TMPRSS9: variants seen among roughly 807,000 people sequenced by gnomAD.
The protein encoded by TMPRSS9 is transmembrane protease serine 9.
Under a neutral mutation model 111.4 loss-of-function variants are expected in TMPRSS9, and 113 were observed. The ratio of observed to expected loss-of-function variants is 1.01; its 90% CI spans 0.87 to 1.19. TMPRSS9 has a LOEUF of 1.19. Ranked by LOEUF, TMPRSS9 falls within the 50% of genes most tolerant of loss-of-function variation. TMPRSS9 has a pLI of 0.00. For missense variants in TMPRSS9, 1,803 were observed against 1,513.1 expected (o/e 1.19, Z -3.18); for synonymous variants, 805 against 659.1 (o/e 1.22, Z -3.39).
At chr19:2,421,923 T>C in exon 14 of TMPRSS9, 1 of 1,613,086 alleles carries the variant, frequency 6.2e-7, no homozygotes, top group Non-Finnish European at 8.5e-7. Flanking sequence ...GATCGTGAGC[T>C]GGGGTATTGG....
At chr19:2,380,955 A>G (rs550339007) in intron 1 of TMPRSS9, among the ~76,000 whole-genome samples, 130 of 152,198 alleles carry the variant, frequency 8.5e-4, no homozygotes, top group South Asian at 1.7e-3. Context: ...TGAATAACTC[A>G]TCACTCTCTC....
At chr19:2,416,757 T>C in exon 12 of TMPRSS9, 3 of 1,612,800 alleles carry the variant, frequency 1.9e-6, no homozygotes, top group African/African-American at 1.3e-5. Context: ...AGAAGTTCCC[T>C]GTGGGCCGGA....
chr19:2,413,421 G>A (rs1293866668), intron 9 of TMPRSS9, among the ~76,000 whole-genome samples: 4 of 152,096 alleles, frequency 2.6e-5, no homozygotes, highest in African/African-American at 4.8e-5. Context: ...AGAAGAGGAG[G>A]GGATGTTATT....
chr19:2,422,005 T>C, exon 14 of TMPRSS9: 4 of 1,613,028 alleles, frequency 2.5e-6, no homozygotes, highest in South Asian at 2.2e-5. Flanking sequence ...CTGGAGATCA[T>C]GTCCTCCCAG....
intron 1 of TMPRSS9, among the ~76,000 whole-genome samples, chr19:2,372,172 C>G (rs1970296391): frequency 6.6e-6 from 1 of 152,094 alleles, no homozygotes; most frequent in African/African-American, 2.4e-5. Context: ...TTTTTCTTCC[C>G]TGTATCTTGG....
At position 2,413,688 on chromosome 19, in the gene TMPRSS9, T is replaced by C. The variant is rs750440831; in HGVS notation, c.1255-12T>C. 5 of 1,592,850 alleles carry C rather than the reference T, an allele frequency of 3.1e-6. No homozygotes were observed. In the Admixed American group the frequency reaches 6.7e-5, roughly 21 times the overall value. On this transcript the variant is annotated splice_polypyrimidine_tract_variant and intron_variant, in intron 9 of 17. Transcript: ENST00000648592. ...TGCCGACCCATCCTGAGGGTGTGTG[T>C]TGGTTTCCTAGGGTGACTCAGGAGG...
At chr19:2,385,354 G>T (rs939225784), upstream of TMPRSS9, among the ~76,000 whole-genome samples, 14 of 152,136 alleles carry the variant, frequency 9.2e-5, no homozygotes, top group Non-Finnish European at 1.9e-4. Flanking sequence ...GGATCCATGC[G>T]ACACAGGCAG....
At chr19:2,424,898 A>T in intron 15 of TMPRSS9, 104 bp from the exon 17 acceptor site, 3 of 1,329,704 alleles carry the variant, frequency 2.3e-6, no homozygotes, top group Non-Finnish European at 2.9e-6. Context: ...CCAAGAGGCC[A>T]ATAACCCTGC....
exon 18 of TMPRSS9, chr19:2,425,998 G>T: frequency 6.2e-7 from 1 of 1,606,624 alleles, no homozygotes. Context: ...TCACTAGCTG[G>T]GGCTATGGCT....
At chr19:2,403,650 A>G (rs1970903759) in intron 6 of TMPRSS9, among the ~76,000 whole-genome samples, 1 of 151,028 alleles carries the variant, frequency 6.6e-6, no homozygotes, top group Admixed American at 6.7e-5. Context: ...TGAGGCCAGG[A>G]GTTTCAGACC....
intron 1 of TMPRSS9, among the ~76,000 whole-genome samples, chr19:2,384,566 A>T (rs1052296174): frequency 2.0e-5 from 3 of 152,136 alleles, no homozygotes; most frequent in African/African-American, 4.8e-5. Context: ...CTGTAATCCC[A>T]GCACTTTGGG....
intron 17 of TMPRSS9, 27 bp from the exon 19 acceptor site, chr19:2,425,900 G>T: frequency 6.4e-7 from 1 of 1,565,008 alleles, no homozygotes. Flanking sequence ...ACCGGCCTCT[G>T]AACCCCCTTT....
chr19:2,390,337 G>A (rs1478919752), intron 1 of TMPRSS9, among the ~76,000 whole-genome samples: 1 of 144,114 alleles, frequency 6.9e-6, no homozygotes, highest in Admixed American at 7.1e-5. Context: ...CCACCTCCCG[G>A]GTTCACACCG....
chr19:2,385,122 G>T (rs1043745694), upstream of TMPRSS9, among the ~76,000 whole-genome samples: 4 of 149,234 alleles, frequency 2.7e-5, no homozygotes, highest in Non-Finnish European at 5.9e-5. Flanking sequence ...GGTGAGAAGG[G>T]GTCACAGCCG....
At chr19:2,368,778 T>TTTTTTTTTTTTTTTTTTTA (rs1970266516) in intron 1 of TMPRSS9, among the ~76,000 whole-genome samples, 1 of 100,576 alleles carries the variant, frequency 9.9e-6, no homozygotes, top group Non-Finnish European at 1.8e-5. Flanking sequence ...AACCCAGTTT[T>TTTTTTTTTTTTTTTTTTTA]TTTTTTTTTT....
At chr19:2,394,494 T>G (rs1249602404) in intron 1 of TMPRSS9, among the ~76,000 whole-genome samples, 1 of 152,182 alleles carries the variant, frequency 6.6e-6, no homozygotes, top group Non-Finnish European at 1.5e-5. Context: ...CGTTCTGAAC[T>G]ATTTCTGCAA....
chr19:2,424,120 G>C (rs1971534961), exon 15 of TMPRSS9: 1 of 1,381,482 alleles, frequency 7.2e-7, no homozygotes, highest in Non-Finnish European at 9.4e-7. Context: ...CGCTCACCAG[G>C]ATTGTGGGCG....
At chr19:2,396,458 G>T in intron 1 of TMPRSS9, 81 bp from the exon 3 acceptor site, 1 of 1,476,140 alleles carries the variant, frequency 6.8e-7, no homozygotes, top group Non-Finnish European at 9.1e-7. Flanking sequence ...AGTGCAAACA[G>T]GGCGGGGCCT....
At chr19:2,385,154 C>CGCGGGGG (rs1568172900), upstream of TMPRSS9, among the ~76,000 whole-genome samples, 29 of 84,272 alleles carry the variant, frequency 3.4e-4, no homozygotes, top group African/African-American at 1.9e-3. Context: ...GGGCGGAGCT[C>CGCGGGGG]GCGGAGGGCG....
Sources: allele counts gnomAD v4.1 joint callset (sites outside exome capture counted in the v4.1 genomes callset), GRCh38; gene constraint gnomAD v4.1.1; transcripts MANE v1.5; gene names NCBI Gene and HGNC (gene_info 2026-07-23, HGNC 2026-07-21).